AACS: variants seen among roughly 807,000 people sequenced by gnomAD.
AACS encodes acetoacetyl-CoA synthetase, also known as acetoacetate-CoA ligase.
In AACS, 69 loss-of-function variants were observed where a neutral mutation model predicts 83.1. That is an observed-to-expected ratio of 0.83 (90% CI 0.68 to 1.01). AACS has a LOEUF of 1.01. AACS is among the 50% of genes least tolerant of loss of function. The probability of loss-of-function intolerance (pLI) is 0.00; values close to 1 mark genes in which losing one functional copy is unlikely to be tolerated. For missense variants in AACS, 866 were observed against 882.2 expected (o/e 0.98, Z 0.23); for synonymous variants, 333 against 343.4 (o/e 0.97, Z 0.33).
chr12:125,136,681 G>A lies in AACS; in HGVS notation c.1698G>A (p.Val566=). ...IYNIVESFEE[V]EDSLCVPQYN... ...CCACAGTGGAATCCTTCGAGGAGGT[G>A]GAGGACAGCCTGTGTGTCCCCCAGT... The change falls in exon 17 of 18, where the codon GTG becomes GTA. Residue 566 remains valine (V), a synonymous_variant. Coordinates refer to ENST00000316519, the MANE Select transcript of AACS (RefSeq NM_023928.5). The A allele has an allele frequency of 1.4e-5, 23 of 1,613,946 alleles. No individual in the cohort carries two copies. Among genetic ancestry groups the A allele is most frequent in the South Asian group, 2.2e-5 (2 of 91,064 alleles).
intron 5 of AACS, among the ~76,000 whole-genome samples, chr12:125,095,896 C>A (rs570464154): frequency 1.3e-5 from 2 of 152,228 alleles, no homozygotes; most frequent in African/African-American, 4.8e-5. Flanking sequence ...ATGCCTCTGG[C>A]CAGTTGTGAG....
chr12:125,079,469 C>T (rs1387397339), intron 3 of AACS, among the ~76,000 whole-genome samples: 1 of 152,178 alleles, frequency 6.6e-6, no homozygotes, highest in Non-Finnish European at 1.5e-5. Context: ...GCAGCCTCGA[C>T]TTCCCAGGCT....
intron 17 of AACS, chr12:125,139,572 T>C (rs1412740939): frequency 6.6e-6 from 1 of 152,382 alleles, no homozygotes; most frequent in East Asian, 1.9e-4. Flanking sequence ...GTTTCTGTGC[T>C]GCCTCCACTC....
At chr12:125,108,922 C>A (rs1956892429) in intron 8 of AACS, among the ~76,000 whole-genome samples, 1 of 150,930 alleles carries the variant, frequency 6.6e-6, no homozygotes, top group Non-Finnish European at 1.5e-5. Flanking sequence ...GACTCAAACC[C>A]CTAGGCTCAT....
intron 17 of AACS, chr12:125,138,100 C>T (rs559578104): frequency 6.6e-6 from 1 of 152,508 alleles, no homozygotes; most frequent in Admixed American, 6.5e-5. Context: ...GGTGTGCAAT[C>T]CCTGATCATC....
chr12:125,085,265 GTC>G (rs1565929099), intron 3 of AACS, among the ~76,000 whole-genome samples: 1 of 152,116 alleles, frequency 6.6e-6, no homozygotes, highest in African/African-American at 2.4e-5. Context: ...TTGCATCCAC[GTC>G]TGTTTCCTGG....
chr12:125,118,732 C>A lies in AACS; in HGVS notation c.1088C>A (p.Pro363His). The change falls in exon 10 of 18, where the codon CCC (proline) becomes CAC (histidine). Residue 363 changes from proline to histidine, a missense_variant. Physicochemically the swap from Pro to His is moderately conservative, Grantham distance 77 (BLOSUM62 -2). Transcript: ENST00000316519. ...LYDGSPLVPT[P>H]NVLWDLVDRI... ...GATGGCTCCCCCCTGGTGCCCACGCCCAATGTGCTCTGGGACCTGGTTGAC... is the reference window on the plus strand; with the variant it reads ...GATGGCTCCCCCCTGGTGCCCACGCACAATGTGCTCTGGGACCTGGTTGAC... The A allele has an allele frequency of 1.2e-6, 2 of 1,614,126 alleles. No homozygotes were observed. Among genetic ancestry groups the A allele is most frequent in the Non-Finnish European group, 8.5e-7 (1 of 1,179,996 alleles).
At chr12:125,073,780 G>C in intron 1 of AACS, 96 bp from the exon 2 acceptor site, 1 of 992,910 alleles carries the variant, frequency 1.0e-6, no homozygotes. Flanking sequence ...AATTTGGCTC[G>C]CTTGGACATG....
chr12:125,122,617 T>G, intron 10 of AACS: 1 of 138,384 alleles, frequency 7.2e-6, no homozygotes, highest in Non-Finnish European at 1.5e-5. Context: ...TACTCCAGCC[T>G]GAGTGACACA....
chr12:125,141,705 AAAAAAG>A (rs1452140567), intron 17 of AACS: 15 of 148,548 alleles, frequency 1.0e-4, no homozygotes, highest in South Asian at 1.7e-4. Flanking sequence ...TCAAAAAAAA[AAAAAAG>A]AAAAAAAAAG....
At chr12:125,131,890 C>A (rs1361475390) in intron 14 of AACS, among the ~76,000 whole-genome samples, 1 of 152,212 alleles carries the variant, frequency 6.6e-6, no homozygotes, top group Non-Finnish European at 1.5e-5. Flanking sequence ...AGCCACCAGG[C>A]CTGACCACTT....
At chr12:125,124,036 A>G (rs1275969830) in intron 10 of AACS, 2 of 152,216 alleles carry the variant, frequency 1.3e-5, no homozygotes, top group Non-Finnish European at 2.9e-5. Context: ...AGTATGGCAC[A>G]TGTTTTCACA....
intron 1 of AACS, among the ~76,000 whole-genome samples, chr12:125,072,136 C>T (rs976418214): frequency 2.0e-5 from 3 of 149,506 alleles, no homozygotes; most frequent in East Asian, 3.9e-4. Context: ...GGATTACAGG[C>T]GTGAGCCACC....
chr12:125,126,404 C>T (rs1957245582), intron 12 of AACS: 1 of 152,218 alleles, frequency 6.6e-6, no homozygotes, highest in Non-Finnish European at 1.5e-5. Context: ...ACGTCGTTCC[C>T]TTCAGAGATG....
intron 9 of AACS, 89 bp downstream of exon 9, chr12:125,114,646 C>T: frequency 1.7e-6 from 2 of 1,164,866 alleles, no homozygotes; most frequent in Non-Finnish European, 2.4e-6. Flanking sequence ...AGGACTTCCC[C>T]AGGCGCCGGC....
At chr12:125,081,129 G>T (rs1004044354) in intron 3 of AACS, among the ~76,000 whole-genome samples, 1 of 151,872 alleles carries the variant, frequency 6.6e-6, no homozygotes, top group African/African-American at 2.4e-5. Flanking sequence ...AGTAGCTAGG[G>T]TTGCACGCGT....
chr12:125,126,676 G>GGCTCAAGTGATCCTCCCAC (rs1480235592), intron 12 of AACS: 1 of 151,334 alleles, frequency 6.6e-6, no homozygotes, highest in East Asian at 2.0e-4. Context: ...CCACCTCCCA[G>GGCTCAAGTGATCCTCCCAC]GCTCAAGTGA....
chr12:125,102,091 C>CAA (rs1491144670), intron 5 of AACS: 2 of 147,468 alleles, frequency 1.4e-5, no homozygotes, highest in African/African-American at 5.1e-5. Flanking sequence ...AAAAAAAAAA[C>CAA]CAGAATCTTG....
intron 5 of AACS, among the ~76,000 whole-genome samples, chr12:125,100,091 C>T (rs577366928): frequency 4.1e-4 from 62 of 152,344 alleles, no homozygotes; most frequent in African/African-American, 1.5e-3. Context: ...ACACAGTTCA[C>T]TGCAGCCTCG....
Sources: allele counts gnomAD v4.1 joint callset (sites outside exome capture counted in the v4.1 genomes callset), GRCh38; gene constraint gnomAD v4.1.1; transcripts MANE v1.5; gene names NCBI Gene and HGNC (gene_info 2026-07-23, HGNC 2026-07-21).